FSTL4: variants seen among roughly 807,000 people sequenced by gnomAD.
FSTL4 encodes the protein follistatin-related protein 4.
A neutral mutation model predicts 78.2 loss-of-function variants in FSTL4; 28 were observed. The observed-to-expected ratio is 0.36, with a 90% CI of 0.27 to 0.49. The LOEUF (loss-of-function observed/expected upper bound fraction) is 0.49, where lower values mean the gene tolerates loss of function less well. FSTL4 is among the 20% of genes least tolerant of loss of function. The pLI is 0.98. For synonymous variants in FSTL4, 422 were observed against 440.5 expected, an observed-to-expected ratio of 0.96 and a Z score of 0.53; for missense variants, 922 against 1,084.9, an observed-to-expected ratio of 0.85 and a Z score of 2.11.
At chr5:133,307,724 C>T (rs1204836805) in intron 6 of FSTL4, among the ~76,000 whole-genome samples, 1 of 152,058 alleles carries the variant, frequency 6.6e-6, no homozygotes, top group Non-Finnish European at 1.5e-5. Flanking sequence ...CAGGACAGCA[C>T]CCCCAACTCT....
At chr5:133,753,496 C>T in the FSTL4 span, among the ~76,000 whole-genome samples, 1 of 152,104 alleles carries the variant, frequency 6.6e-6, no homozygotes, top group Non-Finnish European at 1.5e-5. Flanking sequence ...ATTGGCCACT[C>T]GATGAGCTGG....
intron 6 of FSTL4, among the ~76,000 whole-genome samples, chr5:133,256,313 C>T (rs1367191252): frequency 6.6e-6 from 1 of 152,188 alleles, no homozygotes; most frequent in Non-Finnish European, 1.5e-5. Flanking sequence ...CTAGGTGCCA[C>T]CAAAGAAGCT....
intron 7 of FSTL4, chr5:133,248,462 C>A (rs1752112127): frequency 6.6e-6 from 1 of 152,212 alleles, no homozygotes; most frequent in Non-Finnish European, 1.5e-5. Context: ...CCTGGCAGCT[C>A]ACTACATGGG....
chr5:133,349,192 C>T (rs1399755290), intron 4 of FSTL4, among the ~76,000 whole-genome samples: 1 of 152,088 alleles, frequency 6.6e-6, no homozygotes, highest in East Asian at 1.9e-4. Context: ...ACCCACAAAC[C>T]CAGAGATGAG....
the FSTL4 span, among the ~76,000 whole-genome samples, chr5:133,701,509 A>ACCCACC: frequency 7.5e-6 from 1 of 132,624 alleles, no homozygotes; most frequent in Admixed American, 7.6e-5. Flanking sequence ...ACACACACAC[A>ACCCACC]CCCCACAGGC....
At chr5:133,349,611 G>A (rs941619608) in intron 4 of FSTL4, among the ~76,000 whole-genome samples, 1 of 145,290 alleles carries the variant, frequency 6.9e-6, no homozygotes, top group Non-Finnish European at 1.5e-5. Context: ...CCCATAGGAT[G>A]GACTTTGTTT....
At chr5:133,492,712 C>T (rs953616551) in intron 3 of FSTL4, among the ~76,000 whole-genome samples, 11 of 152,106 alleles carry the variant, frequency 7.2e-5, no homozygotes, top group Admixed American at 2.6e-4. Flanking sequence ...GCATTTATAT[C>T]TTTAAAAAAA....
chr5:133,466,401 G>C (rs1278086070), intron 3 of FSTL4, among the ~76,000 whole-genome samples: 1 of 152,146 alleles, frequency 6.6e-6, no homozygotes, highest in East Asian at 1.9e-4. Context: ...AATTAGCCGG[G>C]TGCGGTGGCA....
the FSTL4 span, among the ~76,000 whole-genome samples, chr5:133,693,560 G>T: frequency 6.6e-6 from 1 of 152,210 alleles, no homozygotes; most frequent in Non-Finnish European, 1.5e-5. Context: ...TTACTTGGTT[G>T]CTGCAGCCCT....
chr5:133,215,317 A>G lies in FSTL4; in HGVS notation c.1608+1912T>C, dbSNP rs1443280557. Reference sequence around the variant, plus strand: ...TCTTGACCTCTTCTCTGTCTATACCACCTCTTGGTAATTTCATCCAGTTTC... The same window carrying G: ...TCTTGACCTCTTCTCTGTCTATACCGCCTCTTGGTAATTTCATCCAGTTTC... On this transcript the variant is annotated intron_variant, in intron 13 of 15. Coordinates refer to ENST00000265342, the MANE Select transcript of FSTL4 (RefSeq NM_015082.2). Among the ~76,000 whole-genome samples, 3 of 151,794 alleles carry G rather than the reference A, an allele frequency of 2.0e-5. No individual in the cohort carries two copies. The East Asian group carries it at 5.8e-4, about 29-fold the overall frequency.
intron 6 of FSTL4, among the ~76,000 whole-genome samples, chr5:133,305,735 C>T (rs1286321222): frequency 6.6e-6 from 1 of 152,136 alleles, no homozygotes; most frequent in Non-Finnish European, 1.5e-5. Context: ...GACCTAACAC[C>T]ACCTCATCTT....
intron 4 of FSTL4, among the ~76,000 whole-genome samples, chr5:133,317,284 A>C (rs2162767): frequency 6.6e-6 from 1 of 152,094 alleles, no homozygotes; most frequent in African/African-American, 2.4e-5. Context: ...CATCAGAACC[A>C]TGCAGTGTTT....
At position 133,449,544 on chromosome 5, in the gene FSTL4, C is replaced by T. The variant is rs142435683; in HGVS notation, c.161-48558G>A. 2.1e-4 allele frequency among the ~76,000 whole-genome samples: 32 copies of T among 152,210 alleles called. No individual in the cohort carries two copies. The East Asian group carries it at 5.4e-3, about 26-fold the overall frequency. The stretch of plus-strand genomic sequence containing the variant: ...CGTGGTTTGGGACCCAATAAAGCAA[C>T]CAGGAGTGATCTCCATGTGGGGAAA... On this transcript the variant is annotated intron_variant, in intron 3 of 15. Transcript: ENST00000265342.
upstream of FSTL4, among the ~76,000 whole-genome samples, chr5:133,615,421 G>A (rs1413438206): frequency 1.3e-5 from 2 of 152,184 alleles, no homozygotes; most frequent in East Asian, 1.9e-4. Flanking sequence ...TCTCTCTCCC[G>A]CCTCAGCCTC....
chr5:133,423,808 G>C (rs1225551635), intron 3 of FSTL4, among the ~76,000 whole-genome samples: 1 of 152,216 alleles, frequency 6.6e-6, no homozygotes, highest in African/African-American at 2.4e-5. Flanking sequence ...TCTCTGCACA[G>C]AGCAGGAAGA....
chr5:133,499,369 TACACACAC>T (rs57363602), intron 3 of FSTL4, among the ~76,000 whole-genome samples: 2,173 of 126,776 alleles, frequency 0.017, 48 homozygotes, highest in African/African-American at 0.055. Flanking sequence ...ACAAGGGGAA[TACACACAC>T]ACACACACAC....
At chr5:133,783,867 C>T in the FSTL4 span, among the ~76,000 whole-genome samples, 2 of 152,128 alleles carry the variant, frequency 1.3e-5, no homozygotes, top group Admixed American at 6.6e-5. Context: ...TTCCTTTCCA[C>T]TGCCCCCGCC....
chr5:133,350,472 C>T (rs1203649543), intron 4 of FSTL4, among the ~76,000 whole-genome samples: 4 of 152,222 alleles, frequency 2.6e-5, no homozygotes, highest in African/African-American at 9.6e-5. Context: ...GGTTGACTAC[C>T]TCCCCTGGTT....
At chr5:133,263,063 C>T (rs767698190) in intron 6 of FSTL4, among the ~76,000 whole-genome samples, 4 of 152,092 alleles carry the variant, frequency 2.6e-5, no homozygotes, top group Admixed American at 1.3e-4. Flanking sequence ...ACAGGCTTGA[C>T]TGGATGGGGA....
Sources: gnomAD v4.1 joint callset for allele counts (sites outside exome capture counted in the v4.1 genomes callset) on GRCh38, gnomAD v4.1.1 for gene constraint, MANE v1.5 for transcripts, NCBI Gene and HGNC (gene_info 2026-07-23, HGNC 2026-07-21) for gene names.